Variants in RBFOX3 observed in about 807,000 individuals in gnomAD.
RBFOX3 encodes RNA binding protein fox-1 homolog 3.
Under a neutral mutation model 48.7 loss-of-function variants are expected in RBFOX3, and 17 were observed. That is an observed-to-expected ratio of 0.35 (90% CI 0.24 to 0.52). The LOEUF (loss-of-function observed/expected upper bound fraction) is 0.52, where lower values mean the gene tolerates loss of function less well. Ranked by LOEUF, RBFOX3 falls within the 20% of genes least tolerant of loss-of-function variation. The pLI is 0.94. For missense variants in RBFOX3, 382 were observed against 497.5 expected (o/e 0.77, Z 2.21); for synonymous variants, 212 against 209.5 (o/e 1.01, Z -0.10).
At chr17:79,106,983 C>A (rs1472438011) in intron 5 of RBFOX3, among the ~76,000 whole-genome samples, 195 bp from the exon 6 acceptor site, 2 of 152,222 alleles carry the variant, frequency 1.3e-5, no homozygotes, top group African/African-American at 4.8e-5. Flanking sequence ...GCACCTCACA[C>A]AGAGAGGCCC....
In RBFOX3 at chr17:79,543,042, A is replaced by G. The variant is rs530259508; in HGVS notation, c.-319-60444T>C. Among the ~76,000 whole-genome samples the G allele has an allele frequency of 3.3e-5, 5 of 152,176 alleles. No homozygotes were observed. In the East Asian group the frequency reaches 7.7e-4, roughly 24 times the overall value. On this transcript the variant is annotated intron_variant, in intron 1 of 14. Transcript: ENST00000693108. The stretch of plus-strand genomic sequence containing the variant: ...TCCAGGCAGGCACAGACCCCTATAT[A>G]TCACAGCTGCCTCCCTCACAACCAC...
At chr17:79,092,213 G>C in intron 14 of RBFOX3, 1 of 985,520 alleles carries the variant, frequency 1.0e-6, no homozygotes, top group Non-Finnish European at 1.2e-6. Context: ...AGGAAATGTG[G>C]CTCTTGCCCT....
Position 79,390,027 on chromosome 17 carries a change from A to AGGTCTCCGCAGCCGCCG in RBFOX3, c.-174-82204_-174-82203insCGGCGGCTGCGGAGACC, listed in dbSNP as rs1568165306. Among the ~76,000 whole-genome samples the AGGTCTCCGCAGCCGCCG allele has an allele frequency of 3.4e-5, 3 of 87,922 alleles. No homozygotes were observed. The highest frequency in any genetic ancestry group is 2.9e-4 in the Admixed American group (3 of 10,358). The allele number at this position is 87,922 out of a possible 152,430, so 57.7% of individuals were successfully genotyped here. A position where few individuals can be genotyped will look rare whatever the true frequency, so the allele number is the denominator to read the frequency against. ...CAGCCTCCAGGTCTCCGCAGCCTCC[A>AGGTCTCCGCAGCCGCCG]GGTCTCCGTAGCCTCCAGGTCTCCG... On this transcript the variant is annotated intron_variant, in intron 2 of 14. Transcript: ENST00000693108. This position sits in a 1 kb window ranked among gnomAD's most constrained non-coding sequence, Gnocchi z 4.2.
intron 1 of RBFOX3, chr17:79,601,296 C>T (rs901960682): frequency 3.8e-4 from 58 of 152,334 alleles, no homozygotes; most frequent in African/African-American, 1.3e-3. Context: ...ACGGTGTCTG[C>T]AACTGGACCC....
chr17:79,294,618 G>C (rs2074009747), intron 3 of RBFOX3, among the ~76,000 whole-genome samples: 1 of 152,164 alleles, frequency 6.6e-6, no homozygotes, highest in South Asian at 2.1e-4. Context: ...TTGCTTCTTG[G>C]AGAAACAGGA....
intron 1 of RBFOX3, among the ~76,000 whole-genome samples, chr17:79,525,474 C>T (rs2086672621): frequency 6.6e-6 from 1 of 152,198 alleles, no homozygotes; most frequent in African/African-American, 2.4e-5. Flanking sequence ...GTCTTCAATT[C>T]CCTGGAAATG....
At chr17:79,462,717 G>T (rs1555749808) in intron 2 of RBFOX3, among the ~76,000 whole-genome samples, 1 of 152,114 alleles carries the variant, frequency 6.6e-6, no homozygotes, top group East Asian at 1.9e-4. Flanking sequence ...AGAGAAAGAA[G>T]CAAGACGTAA....
chr17:79,175,001 C>T (rs2050227446), intron 4 of RBFOX3, among the ~76,000 whole-genome samples: 1 of 152,208 alleles, frequency 6.6e-6, no homozygotes, highest in Non-Finnish European at 1.5e-5. Flanking sequence ...CTCTCCGAGG[C>T]CCCCGTGCCA....
chr17:79,463,110 TCGCCACTGCCATCGCCAC>T (rs2075638224), intron 2 of RBFOX3, among the ~76,000 whole-genome samples: 1 of 82,112 alleles, frequency 1.2e-5, no homozygotes, highest in South Asian at 4.6e-4. Context: ...TCCACCGCCA[TCGCCACTGCCATCGCCAC>T]CGCCACTGCC....
At chr17:79,340,105 C>G (rs1178340862) in intron 2 of RBFOX3, among the ~76,000 whole-genome samples, 5 of 152,122 alleles carry the variant, frequency 3.3e-5, no homozygotes, top group African/African-American at 9.7e-5. Flanking sequence ...TCGAGACCAG[C>G]CTGACGAACA....
At position 79,161,587 on chromosome 17, in the gene RBFOX3, GT is replaced by G. The variant is rs946018750; in HGVS notation, c.-33-45840del. 4.7e-4 allele frequency among the ~76,000 whole-genome samples: 72 copies of G among 152,286 alleles called. No individual in the cohort carries two copies. In the South Asian group the frequency reaches 5.2e-3, roughly 11 times the overall value. On this transcript the variant is annotated intron_variant, in intron 4 of 14. Coordinates refer to ENST00000693108, the MANE Select transcript of RBFOX3 (RefSeq NM_001350451.2). ...TTGCTCTTCCGGTTATGGCTCTTCCGTTTTTTTTTTGTGTGTGTGTTTTTTT... is the reference window on the plus strand; with the variant it reads ...TTGCTCTTCCGGTTATGGCTCTTCCGTTTTTTTTTGTGTGTGTGTTTTTTT...
intron 3 of RBFOX3, among the ~76,000 whole-genome samples, chr17:79,238,915 A>G (rs1229418960): frequency 6.6e-6 from 1 of 152,148 alleles, no homozygotes; most frequent in Non-Finnish European, 1.5e-5. Context: ...CCTCAACCAC[A>G]GGGTCCAATC....
chr17:79,420,983 G>A (rs983737982), intron 2 of RBFOX3, among the ~76,000 whole-genome samples: 1 of 152,158 alleles, frequency 6.6e-6, no homozygotes, highest in Admixed American at 6.5e-5. Context: ...ACTCGGGCAT[G>A]GAGGCCCAGG....
chr17:79,616,457 A>G, the RBFOX3 span, among the ~76,000 whole-genome samples: 1 of 150,922 alleles, frequency 6.6e-6, no homozygotes, highest in South Asian at 2.1e-4. Flanking sequence ...AGTCACTTGA[A>G]CCCGGGAGGT....
upstream of RBFOX3, among the ~76,000 whole-genome samples, chr17:79,615,923 C>A (rs2093992103): frequency 6.6e-6 from 1 of 152,190 alleles, no homozygotes; most frequent in African/African-American, 2.4e-5. Context: ...TTCTCCCAGG[C>A]TCCTCCGTCT....
chr17:79,593,300 T>C (rs1452106807), intron 1 of RBFOX3, among the ~76,000 whole-genome samples: 1 of 144,314 alleles, frequency 6.9e-6, no homozygotes, highest in Admixed American at 6.8e-5. Flanking sequence ...GGAGGGCGCG[T>C]CATGTGTGCA....
intron 2 of RBFOX3, among the ~76,000 whole-genome samples, chr17:79,410,898 T>C (rs549262684): frequency 4.5e-4 from 68 of 152,264 alleles, no homozygotes; most frequent in African/African-American, 1.4e-3. Flanking sequence ...CAGCAGGTGC[T>C]TGCTCACTGT....
At chr17:79,555,146 G>A (rs2091522241) in intron 1 of RBFOX3, among the ~76,000 whole-genome samples, 1 of 152,224 alleles carries the variant, frequency 6.6e-6, no homozygotes, top group African/African-American at 2.4e-5. Flanking sequence ...CTGTGAAATA[G>A]GGAGAAGAGT....
In RBFOX3 at chr17:79,475,398, G is replaced by A. The variant is rs907422751; in HGVS notation, c.-175+7056C>T. On this transcript the variant is annotated intron_variant, in intron 2 of 14. Coordinates refer to ENST00000693108, the MANE Select transcript of RBFOX3 (RefSeq NM_001350451.2). ...GTGTCTGGGTGAGATCAGGGCCGAG[G>A]GTCAGGGGACACCTCAGGATGAGTC... Among the ~76,000 whole-genome samples, 48 of 152,256 alleles carry A rather than the reference G, an allele frequency of 3.2e-4. No individual in the cohort carries two copies. In the South Asian group the frequency reaches 9.1e-3, roughly 29 times the overall value.
Sources: allele counts gnomAD v4.1 joint callset (sites outside exome capture counted in the v4.1 genomes callset), GRCh38; gene constraint gnomAD v4.1.1; non-coding constraint Gnocchi (gnomAD v3.1); transcripts MANE v1.5; gene names NCBI Gene and HGNC (gene_info 2026-07-23, HGNC 2026-07-21).